The following KIAA1958 variants were observed in gnomAD, a reference collection of about 807,000 sequenced individuals.
The protein encoded by KIAA1958 is KIAA1958, also known as uncharacterized protein KIAA1958.
KIAA1958 carries 14 observed loss-of-function variants against 47.2 expected under a neutral mutation model. The ratio of observed to expected loss-of-function variants is 0.30; its 90% CI spans 0.20 to 0.46. KIAA1958 has a LOEUF of 0.46. Among genes scored for constraint, KIAA1958 ranks in the 20% least tolerant of loss-of-function variants. The pLI is 1.00. For synonymous variants in KIAA1958, 354 were observed against 353.3 expected (o/e 1.00, Z -0.02); for missense variants, 803 against 909.2 (o/e 0.88, Z 1.50).
At chr9:112,541,746 A>C (rs1282238481) in intron 1 of KIAA1958, among the ~76,000 whole-genome samples, 44 of 152,174 alleles carry the variant, frequency 2.9e-4, no homozygotes, top group Admixed American at 2.9e-3. Flanking sequence ...CAGAGGTTGC[A>C]GTGAACCGAA....
In KIAA1958 at chr9:112,492,197, C is replaced by T. The variant is rs186962346; in HGVS notation, c.-25+5079C>T. Among the ~76,000 whole-genome samples the T allele has an allele frequency of 3.5e-4, 54 of 152,296 alleles. 1 individual carries two copies. Among genetic ancestry groups the T allele is most frequent in the Non-Finnish European group, 1.6e-4 (11 of 68,024 alleles). The stretch of plus-strand genomic sequence containing the variant: ...AACAAAAATTTATTTTCTGACAATT[C>T]TGGAGGCTAGAAGTATAAGCTCAAA... On this transcript the variant is annotated intron_variant, in intron 1 of 3. Transcript: ENST00000337530.
In KIAA1958 at chr9:112,574,881, C is replaced by T. The variant is rs375048903; in HGVS notation, c.801C>T (p.His267=). The T allele has an allele frequency of 3.0e-5, 48 of 1,613,978 alleles. No individual in the cohort carries two copies. Among genetic ancestry groups the T allele is most frequent in the Non-Finnish European group, 2.8e-5 (33 of 1,180,010 alleles). Residue 267 remains histidine, a synonymous_variant, in exon 2 of 4, where the codon CAC becomes CAT. Coordinates refer to ENST00000337530, the MANE Select transcript of KIAA1958 (RefSeq NM_133465.4). ...TSAISTELDP[H]GMSASPSVIS... ...CCATCAGCACGGAGCTAGACCCACA[C>T]GGTATGTCTGCATCCCCCTCTGTGA... is the stretch of plus-strand genomic sequence containing the variant.
chr9:112,560,192 C>CTTT (rs1564172284), intron 1 of KIAA1958, among the ~76,000 whole-genome samples: 1 of 121,516 alleles, frequency 8.2e-6, no homozygotes, highest in Non-Finnish European at 1.7e-5. Context: ...CTTTTTTTTT[C>CTTT]TTTTTCTTTT....
chr9:112,525,979 TTCTTCTTCTTCTTCTTCTTC>T lies in KIAA1958; in HGVS notation c.-25+38863_-25+38882del, dbSNP rs1564159512. 4.5e-4 allele frequency among the ~76,000 whole-genome samples: 38 copies of T among 84,518 alleles called. 10 individuals are homozygous for T. The highest frequency in any genetic ancestry group is 1.7e-3 in the African/African-American group (32 of 19,324). The allele number at this position is 84,518 out of a possible 152,430, so 55.4% of individuals were successfully genotyped here. A position where few individuals can be genotyped will look rare whatever the true frequency, so the allele number is the denominator to read the frequency against. ...CTTCTTCTTCTTCTTCTTCTTCTTC[TTCTTCTTCTTCTTCTTCTTC>T]TTTTTTTTTTTAAAGAGATGGGGTC... On this transcript the variant is annotated intron_variant, in intron 1 of 3. Coordinates refer to ENST00000337530, the MANE Select transcript of KIAA1958 (RefSeq NM_133465.4).
At chr9:112,502,307 A>G (rs1160332569) in intron 1 of KIAA1958, among the ~76,000 whole-genome samples, 2 of 152,256 alleles carry the variant, frequency 1.3e-5, no homozygotes, top group African/African-American at 4.8e-5. Context: ...TTCTCCCAGT[A>G]TATCTAACAC....
At position 112,574,400 on chromosome 9, in the gene KIAA1958, T is replaced by C. The variant is rs1405284745; in HGVS notation, c.320T>C (p.Val107Ala). 6.2e-7 allele frequency: 1 copy of C among 1,614,140 alleles called. No homozygotes were observed. Among genetic ancestry groups the C allele is most frequent in the South Asian group, 1.1e-5 (1 of 91,076 alleles). Residue 107 changes from valine (V) to alanine (A), a missense_variant, in exon 2 of 4, where the codon GTG becomes GCG. Physicochemically the swap from Val to Ala is moderately conservative, Grantham distance 64 (BLOSUM62 0). This residue lies in a region of KIAA1958 where 761 missense variants were observed against 829.3 expected (regional missense o/e 0.92). Coordinates refer to ENST00000337530, the MANE Select transcript of KIAA1958 (RefSeq NM_133465.4). ...SPVERYPGRP[V>A]KAKLDCNRTR... is the part of the protein sequence containing the mutation. ...GTTGAAAGGTACCCTGGGAGACCAGTGAAAGCAAAGCTAGACTGTAACCGG... is the reference window on the plus strand; with the variant it reads ...GTTGAAAGGTACCCTGGGAGACCAGCGAAAGCAAAGCTAGACTGTAACCGG...
intron 1 of KIAA1958, among the ~76,000 whole-genome samples, chr9:112,515,795 A>T (rs1178349348): frequency 2.7e-5 from 3 of 109,294 alleles, no homozygotes; most frequent in Non-Finnish European, 5.5e-5. Flanking sequence ...ACCTTTGTTC[A>T]CTTGTTTATC....
rs1413394237 is a variant in KIAA1958, at chr9:112,667,930, T to G, written c.*7861T>G. On this transcript the variant is annotated 3_prime_UTR_variant, in exon 4 of 4. Transcript: ENST00000337530. ...TCCACTAGAGGAAGGGTATGTATGC[T>G]TTTAAATAGATAATATGGCTAGAAG... 2.0e-5 allele frequency: 3 copies of G among 152,212 alleles called. No individual in the cohort carries two copies. Among genetic ancestry groups the G allele is most frequent in the African/African-American group, 7.2e-5 (3 of 41,452 alleles). The allele number at this position is 152,212 out of a possible 1,614,324, so 9.4% of individuals were successfully genotyped here.
At chr9:112,566,384 G>C (rs1052781760) in intron 1 of KIAA1958, among the ~76,000 whole-genome samples, 2 of 152,048 alleles carry the variant, frequency 1.3e-5, no homozygotes, top group Admixed American at 6.6e-5. Flanking sequence ...CTGGTTAATA[G>C]GTTCTTTAGA....
chr9:112,580,104 G>A (rs1440177380), intron 2 of KIAA1958, among the ~76,000 whole-genome samples: 1 of 152,130 alleles, frequency 6.6e-6, no homozygotes, highest in Non-Finnish European at 1.5e-5. Context: ...ACGCATAGGG[G>A]GATCAGGCCC....
chr9:112,498,899 C>G (rs1020576149), intron 1 of KIAA1958, among the ~76,000 whole-genome samples: 7 of 152,208 alleles, frequency 4.6e-5, no homozygotes, highest in African/African-American at 1.7e-4. Flanking sequence ...ATCCCTCTCC[C>G]TTTACTCTTC....
intron 2 of KIAA1958, among the ~76,000 whole-genome samples, chr9:112,632,858 C>CTT (rs1460872861): frequency 6.7e-6 from 1 of 148,888 alleles, no homozygotes; most frequent in Non-Finnish European, 1.5e-5. Flanking sequence ...GAAAGACTTT[C>CTT]TTTCCTCAAT....
intron 2 of KIAA1958, among the ~76,000 whole-genome samples, chr9:112,631,606 TGCTAAG>T (rs1357708356): frequency 1.3e-5 from 2 of 149,256 alleles, no homozygotes; most frequent in Non-Finnish European, 3.0e-5. Flanking sequence ...GCTTTAAAAA[TGCTAAG>T]GCAGTAAGTA....
chr9:112,576,596 C>A (rs1835650626), intron 2 of KIAA1958, among the ~76,000 whole-genome samples: 2 of 152,300 alleles, frequency 1.3e-5, no homozygotes, highest in South Asian at 2.1e-4. Context: ...TACATGGAAT[C>A]ATATATTATG....
At chr9:112,620,054 C>G (rs1347033179) in intron 2 of KIAA1958, among the ~76,000 whole-genome samples, 3 of 152,008 alleles carry the variant, frequency 2.0e-5, no homozygotes, top group African/African-American at 7.2e-5. Flanking sequence ...TGAAAATGTG[C>G]GAGATTTTTC....
intron 1 of KIAA1958, among the ~76,000 whole-genome samples, chr9:112,527,652 G>T (rs1028714855): frequency 2.0e-5 from 3 of 152,046 alleles, no homozygotes; most frequent in Non-Finnish European, 2.9e-5. Context: ...GAGTTAAGAG[G>T]CTGGGCGTGG....
intron 2 of KIAA1958, among the ~76,000 whole-genome samples, chr9:112,626,316 C>T (rs2131224708): frequency 6.6e-6 from 1 of 152,128 alleles, no homozygotes; most frequent in South Asian, 2.1e-4. Context: ...ATCATATTTA[C>T]CAGATCATAG....
chr9:112,530,911 G>A (rs1191001003), intron 1 of KIAA1958, among the ~76,000 whole-genome samples: 1 of 152,096 alleles, frequency 6.6e-6, no homozygotes, highest in Non-Finnish European at 1.5e-5. Context: ...TAATATGTTT[G>A]TCTCTAACTA....
chr9:112,569,536 A>T (rs7873265), intron 1 of KIAA1958, among the ~76,000 whole-genome samples: 8 of 152,132 alleles, frequency 5.3e-5, no homozygotes, highest in Non-Finnish European at 8.8e-5. Context: ...GTAGCCAATC[A>T]GCTCATCTGA....
Sources: gnomAD v4.1 joint callset for allele counts (sites outside exome capture counted in the v4.1 genomes callset) on GRCh38, gnomAD v4.1.1 for gene constraint, gnomAD v4.1.1 regional missense constraint, MANE v1.5 for transcripts, NCBI Gene and HGNC (gene_info 2026-07-23, HGNC 2026-07-21) for gene names.